EPN2: variants seen among roughly 807,000 people sequenced by gnomAD.
EPN2 encodes the protein epsin 2.
In EPN2, 34 loss-of-function variants were observed where a neutral mutation model predicts 61.7. The ratio of observed to expected loss-of-function variants is 0.55; its 90% confidence interval spans 0.42 to 0.73. EPN2 has a LOEUF of 0.73. EPN2 is among the 30% of genes least tolerant of loss of function. The pLI is 0.00. For missense variants in EPN2, 714 were observed against 839.2 expected, an observed-to-expected ratio of 0.85 and a Z score of 1.84; for synonymous variants, 349 against 353.6, an observed-to-expected ratio of 0.99 and a Z score of 0.15.
At chr17:19,276,984 T>G (rs2045313577) in intron 1 of EPN2, among the ~76,000 whole-genome samples, 1 of 152,158 alleles carries the variant, frequency 6.6e-6, no homozygotes, top group Non-Finnish European at 1.5e-5. Flanking sequence ...TAGTTGCATT[T>G]GCATGTGCAT....
intron 7 of EPN2, among the ~76,000 whole-genome samples, chr17:19,327,848 T>C (rs1365976067): frequency 6.6e-6 from 1 of 152,192 alleles, no homozygotes; most frequent in Non-Finnish European, 1.5e-5. Context: ...AGGAATGTCA[T>C]TGGGGAGGCA....
Position 19,269,984 on chromosome 17 carries a change from T to C in EPN2, c.-293-11971T>C, listed in dbSNP as rs888067391. Among the ~76,000 whole-genome samples, 7 of 152,192 alleles carry C rather than the reference T, an allele frequency of 4.6e-5. No individual in the cohort carries two copies. The East Asian group carries it at 1.3e-3, about 29-fold the overall frequency. On this transcript the variant is annotated intron_variant, in intron 1 of 10. Transcript: ENST00000314728. The stretch of plus-strand genomic sequence containing the variant: ...TACGATTTTGAGCACTGAATTTGTC[T>C]AAAGCTACAAAGAATGAGAATAAGA...
chr17:19,312,602 T>A (rs76330759), intron 6 of EPN2, among the ~76,000 whole-genome samples: 2,049 of 152,316 alleles, frequency 0.013, 20 homozygotes, highest in Non-Finnish European at 0.02. Context: ...AGACCCCTTC[T>A]ACACCACAGG....
At chr17:19,289,327 G>A (rs904860583) in intron 4 of EPN2, among the ~76,000 whole-genome samples, 7 of 151,906 alleles carry the variant, frequency 4.6e-5, no homozygotes, top group African/African-American at 7.3e-5. Flanking sequence ...CCCGTGATCC[G>A]CCCACCTTGG....
chr17:19,309,142 C>CTT (rs1196924683), intron 4 of EPN2, among the ~76,000 whole-genome samples: 76 of 131,656 alleles, frequency 5.8e-4, no homozygotes, highest in Middle Eastern at 4.0e-3. Context: ...AAGGTCAACT[C>CTT]TTTTTTTTTT....
At chr17:19,271,289 A>C (rs144897162) in intron 1 of EPN2, among the ~76,000 whole-genome samples, 2 of 152,316 alleles carry the variant, frequency 1.3e-5, no homozygotes, top group African/African-American at 4.8e-5. Context: ...TGAGGAGGCC[A>C]TGCGATCTGA....
Position 19,280,286 on chromosome 17 carries a change from G to A in EPN2, c.-293-1669G>A, listed in dbSNP as rs898281095. ...AGGCTCCTGAACATTAAGTACCTCT[G>A]AACATTACTATTGATTTTGACACAT... is the stretch of plus-strand genomic sequence containing the variant. On this transcript the variant is annotated intron_variant, in intron 1 of 10. Transcript: ENST00000314728. Among the ~76,000 whole-genome samples, 3 of 152,180 alleles carry A rather than the reference G, an allele frequency of 2.0e-5. No individual in the cohort carries two copies. In the East Asian group the frequency reaches 5.8e-4, roughly 29 times the overall value.
At chr17:19,246,767 C>CTTTTTTT (rs377094702) in intron 1 of EPN2, among the ~76,000 whole-genome samples, 1 of 109,550 alleles carries the variant, frequency 9.1e-6, no homozygotes, top group Non-Finnish European at 1.7e-5. Flanking sequence ...CCCTGTGTGC[C>CTTTTTTT]TTTTTTTTTT....
At chr17:19,262,207 A>G (rs2045149111) in intron 1 of EPN2, among the ~76,000 whole-genome samples, 1 of 149,608 alleles carries the variant, frequency 6.7e-6, no homozygotes, top group Non-Finnish European at 1.5e-5. Flanking sequence ...GGCCAGGTGC[A>G]GTGGCTCATG....
At chr17:19,261,050 G>T (rs1195593221) in intron 1 of EPN2, among the ~76,000 whole-genome samples, 1 of 152,208 alleles carries the variant, frequency 6.6e-6, no homozygotes, top group African/African-American at 2.4e-5. Context: ...TTCATGACAT[G>T]CCGGCGACAG....
chr17:19,317,518 T>C (rs1906442362), intron 7 of EPN2, among the ~76,000 whole-genome samples: 1 of 152,150 alleles, frequency 6.6e-6, no homozygotes, highest in Non-Finnish European at 1.5e-5. Flanking sequence ...CCCCCCGCGT[T>C]GTGACTGCCT....
chr17:19,251,508 A>T (rs890638647), intron 1 of EPN2, among the ~76,000 whole-genome samples: 2 of 151,922 alleles, frequency 1.3e-5, no homozygotes, highest in South Asian at 4.1e-4. Context: ...ATCTCAGCTC[A>T]CTGCAACCTC....
chr17:19,326,919 A>G (rs1376991230), intron 7 of EPN2, among the ~76,000 whole-genome samples: 3 of 152,136 alleles, frequency 2.0e-5, no homozygotes, highest in African/African-American at 7.2e-5. Flanking sequence ...TGAGTGACCC[A>G]TGAGTATATG....
Position 19,283,278 on chromosome 17 carries a change from C to T in EPN2, c.159C>T (p.Phe53=), listed in dbSNP as rs2152217459. ...IADLTYNVVA[F]SEIMSMVWKR... ...ACCTGACCTACAACGTGGTGGCCTT[C>T]TCGGAGATCATGAGCATGGTGTGGA... Residue 53 remains phenylalanine, a synonymous_variant, in exon 3 of 11, where the codon TTC becomes TTT. Coordinates refer to ENST00000314728, the MANE Select transcript of EPN2 (RefSeq NM_014964.5). This position sits in a 1 kb window ranked among gnomAD's most constrained non-coding sequence, Gnocchi z 7.0. 2 of 1,614,122 alleles carry T rather than the reference C, an allele frequency of 1.2e-6. No individual in the cohort carries two copies. Among genetic ancestry groups the T allele is most frequent in the Non-Finnish European group, 1.7e-6 (2 of 1,180,016 alleles).
intron 4 of EPN2, among the ~76,000 whole-genome samples, chr17:19,298,430 A>T (rs1444468933): frequency 6.6e-6 from 1 of 152,168 alleles, no homozygotes; most frequent in African/African-American, 2.4e-5. Context: ...TCCTGACCTC[A>T]TGTGATCCTG....
At chr17:19,275,030 G>A (rs1447256687) in intron 1 of EPN2, among the ~76,000 whole-genome samples, 1 of 152,188 alleles carries the variant, frequency 6.6e-6, no homozygotes, top group Non-Finnish European at 1.5e-5. Context: ...TTCCCGTCAT[G>A]AGTCACTCTC....
rs1248315523 is a variant in EPN2 at position 19,332,024 on chromosome 17, G to C, written c.1583G>C (p.Arg528Thr). ...ALVNLDSLVT[R>T]PAPPAQSLNP... ...GTGAACCTGGACTCACTGGTGACCA[G>C]GCCTGCCCCACCAGCCCAGTCCCTC... Residue 528 changes from arginine (R) to threonine (T), a missense_variant, in exon 10 of 11, where the codon AGG becomes ACG. By Grantham distance (71) the Arg-to-Thr change is moderately conservative. Around this residue, in one of 2 missense-constraint regions of EPN2, gnomAD observed 410 missense variants for 421.8 expected, o/e 0.97. Transcript: ENST00000314728. 1 of 1,613,328 alleles carries C rather than the reference G, an allele frequency of 6.2e-7. No homozygotes were observed. Among genetic ancestry groups the C allele is most frequent in the South Asian group, 1.1e-5 (1 of 91,076 alleles).
rs1343848358 is a variant in EPN2, at chr17:19,334,326, G to A, written c.*72G>A. ...GAGCAGGGACTCTCGTCTGTGGGAC[G>A]GGATCCAAGAGTTTGGGGATTAGGG... is the stretch of plus-strand genomic sequence containing the variant. On this transcript the variant is annotated 3_prime_UTR_variant, in exon 11 of 11. Coordinates refer to ENST00000314728, the MANE Select transcript of EPN2 (RefSeq NM_014964.5). This position sits in a 1 kb window ranked among gnomAD's most constrained non-coding sequence, Gnocchi z 4.9. The A allele has an allele frequency of 3.9e-6, 5 of 1,285,444 alleles. No homozygotes were observed. Among genetic ancestry groups the A allele is most frequent in the Admixed American group, 3.5e-5 (1 of 28,332 alleles). 79.6% of individuals were successfully genotyped at this position (1,285,444 alleles called of 1,614,324 possible).
At chr17:19,293,061 T>G (rs1688956143) in intron 4 of EPN2, among the ~76,000 whole-genome samples, 1 of 152,200 alleles carries the variant, frequency 6.6e-6, no homozygotes, top group Non-Finnish European at 1.5e-5. Flanking sequence ...AATGCTTTTT[T>G]CTGTATTATT....
Sources: gnomAD v4.1 joint callset for allele counts (sites outside exome capture counted in the v4.1 genomes callset) on GRCh38, gnomAD v4.1.1 for gene constraint, gnomAD v4.1.1 regional missense constraint, Gnocchi (gnomAD v3.1) non-coding constraint, MANE v1.5 for transcripts, NCBI Gene and HGNC (gene_info 2026-07-23, HGNC 2026-07-21) for gene names.